INPP4B: variants seen among roughly 807,000 people sequenced by gnomAD.
INPP4B encodes inositol polyphosphate 4-phosphatase type II.
Under a neutral mutation model 122.5 loss-of-function variants are expected in INPP4B, and 55 were observed. The ratio of observed to expected loss-of-function variants is 0.45; its 90% CI spans 0.36 to 0.56. The LOEUF is 0.56. INPP4B is among the 20% of genes least tolerant of loss of function. The pLI is 0.00. For synonymous variants in INPP4B, 403 were observed against 388.7 expected (o/e 1.04, Z -0.43); for missense variants, 1,000 against 1,097.7 (o/e 0.91, Z 1.26).
chr4:142,740,142 G>A (rs891471703), intron 1 of INPP4B, among the ~76,000 whole-genome samples: 1 of 151,870 alleles, frequency 6.6e-6, no homozygotes, highest in African/African-American at 2.4e-5. Context: ...TTTTGATGGA[G>A]AACATAAACA....
intron 1 of INPP4B, among the ~76,000 whole-genome samples, chr4:142,762,733 A>T (rs1471002943): frequency 6.6e-6 from 1 of 152,174 alleles, no homozygotes; most frequent in African/African-American, 2.4e-5. Flanking sequence ...AGGATATGTG[A>T]ACAGGAAGAA....
At chr4:142,590,432 T>C (rs970530499) in intron 2 of INPP4B, among the ~76,000 whole-genome samples, 2 of 152,200 alleles carry the variant, frequency 1.3e-5, no homozygotes, top group Non-Finnish European at 2.9e-5. Flanking sequence ...CAAAAGGATC[T>C]GTACATAAGC....
At chr4:142,182,173 A>C (rs1187691287) in intron 15 of INPP4B, among the ~76,000 whole-genome samples, 1 of 152,200 alleles carries the variant, frequency 6.6e-6, no homozygotes, top group African/African-American at 2.4e-5. Context: ...TTGGTGACTC[A>C]ATCGTTGGTC....
intron 9 of INPP4B, among the ~76,000 whole-genome samples, chr4:142,283,963 C>T (rs1184634460): frequency 6.6e-6 from 1 of 151,990 alleles, no homozygotes; most frequent in East Asian, 1.9e-4. Context: ...TCTGGTGTCC[C>T]AGATAACAAG....
At chr4:142,694,543 G>A (rs1345884055) in intron 2 of INPP4B, among the ~76,000 whole-genome samples, 8 of 152,106 alleles carry the variant, frequency 5.3e-5, no homozygotes, top group Admixed American at 2.6e-4. Context: ...AGGCAGGTCA[G>A]ATACTGTCTT....
intron 21 of INPP4B, among the ~76,000 whole-genome samples, chr4:142,120,517 C>G (rs1022878702): frequency 6.6e-6 from 1 of 152,054 alleles, no homozygotes; most frequent in African/African-American, 2.4e-5. Flanking sequence ...TATTTTGTGT[C>G]TTCTGTGTAC....
intron 8 of INPP4B, among the ~76,000 whole-genome samples, chr4:142,311,851 A>G (rs1013904398): frequency 1.4e-4 from 21 of 152,176 alleles, no homozygotes; most frequent in African/African-American, 5.1e-4. Context: ...TCAACCCAGA[A>G]TGTGCTACCT....
At chr4:142,087,947 G>T (rs573502974) in intron 23 of INPP4B, among the ~76,000 whole-genome samples, 8 of 152,242 alleles carry the variant, frequency 5.3e-5, no homozygotes, top group Non-Finnish European at 1.2e-4. Context: ...ATTCAGATAG[G>T]TTTAGGGAAG....
intron 2 of INPP4B, among the ~76,000 whole-genome samples, chr4:142,502,110 A>G (rs1200752049): frequency 6.6e-6 from 1 of 152,226 alleles, no homozygotes; most frequent in African/African-American, 2.4e-5. Flanking sequence ...TAAAAACTAA[A>G]GATAACATCT....
chr4:142,314,819 C>T lies in INPP4B; in HGVS notation c.373-57G>A, dbSNP rs906240365. ...GGAGTAGAAACTAGTGCAGAAGCCT[C>T]GCACAGGTGCTGGGTTTCAATTTCC... On this transcript the variant is annotated intron_variant, in intron 7 of 25. Transcript: ENST00000262992. 10 of 1,389,624 alleles carry T rather than the reference C, an allele frequency of 7.2e-6. No homozygotes were observed. In the African/African-American group the frequency reaches 7.3e-5, roughly 10 times the overall value. 86.1% of individuals were successfully genotyped at this position (1,389,624 alleles called of 1,614,324 possible).
chr4:142,323,923 A>T (rs1288195612), intron 7 of INPP4B, among the ~76,000 whole-genome samples: 2 of 152,078 alleles, frequency 1.3e-5, no homozygotes, highest in African/African-American at 4.8e-5. Context: ...TGTTGGTACA[A>T]TTCAGTGTCA....
chr4:142,056,139 G>A (rs893537319), intron 25 of INPP4B, among the ~76,000 whole-genome samples: 1 of 152,066 alleles, frequency 6.6e-6, no homozygotes, highest in Non-Finnish European at 1.5e-5. Flanking sequence ...GATTGTGGCT[G>A]TAAATACAGA....
chr4:142,509,923 G>A (rs532852287), intron 2 of INPP4B, among the ~76,000 whole-genome samples: 4 of 152,188 alleles, frequency 2.6e-5, no homozygotes, highest in East Asian at 1.9e-4. Flanking sequence ...ATTAAGAGGC[G>A]AAAATGGGAA....
At chr4:142,584,326 A>G (rs1735710422) in intron 2 of INPP4B, among the ~76,000 whole-genome samples, 1 of 152,162 alleles carries the variant, frequency 6.6e-6, no homozygotes, top group Admixed American at 6.6e-5. Flanking sequence ...TACATTGATG[A>G]ACATTGATAC....
At chr4:142,539,688 A>C (rs1256192411) in intron 2 of INPP4B, among the ~76,000 whole-genome samples, 1 of 152,038 alleles carries the variant, frequency 6.6e-6, no homozygotes, top group Non-Finnish European at 1.5e-5. Flanking sequence ...AACATCATTC[A>C]CCAGCTCTGA....
At chr4:142,522,398 T>A (rs1826210456) in intron 2 of INPP4B, among the ~76,000 whole-genome samples, 1 of 138,380 alleles carries the variant, frequency 7.2e-6, no homozygotes, top group South Asian at 2.4e-4. Flanking sequence ...GTGAAGTGGT[T>A]ATTCACAGGC....
At chr4:142,469,841 A>G (rs750768771) in intron 2 of INPP4B, among the ~76,000 whole-genome samples, 3 of 152,220 alleles carry the variant, frequency 2.0e-5, no homozygotes, top group Admixed American at 1.3e-4. Flanking sequence ...TGGGCATAGG[A>G]CTCCAAGGTT....
intron 11 of INPP4B, among the ~76,000 whole-genome samples, chr4:142,248,028 C>G (rs1729814265): frequency 1.3e-5 from 2 of 152,186 alleles, no homozygotes; most frequent in Non-Finnish European, 2.9e-5. Flanking sequence ...CATCACCCCT[C>G]CTGCCCCTGC....
chr4:142,072,229 C>T (rs1024436527), intron 25 of INPP4B, among the ~76,000 whole-genome samples: 13 of 151,960 alleles, frequency 8.6e-5, no homozygotes, highest in African/African-American at 3.1e-4. Flanking sequence ...AGCAAACTAT[C>T]GCAAGGACAG....
Sources: gnomAD v4.1 joint callset for allele counts (sites outside exome capture counted in the v4.1 genomes callset) on GRCh38, gnomAD v4.1.1 for gene constraint, MANE v1.5 for transcripts, NCBI Gene and HGNC (gene_info 2026-07-23, HGNC 2026-07-21) for gene names.